Variants in MLH3 observed in about 807,000 individuals in gnomAD.
MLH3 encodes the protein mutL homolog 3, also known as DNA mismatch repair protein Mlh3.
A neutral mutation model predicts 122.2 loss-of-function variants in MLH3; 82 were observed. That is an observed-to-expected ratio of 0.67 (90% CI 0.56 to 0.81). The LOEUF is 0.81. Among genes scored for constraint, MLH3 ranks in the 30% least tolerant of loss-of-function variants. MLH3 has a pLI of 0.00. For synonymous variants in MLH3, 524 were observed against 599.5 expected (o/e 0.87, Z 1.84); for missense variants, 1,539 against 1,714.5 (o/e 0.90, Z 1.81).
At position 75,047,309 on chromosome 14, in the gene MLH3, T is replaced by G. The variant is rs1489096673; in HGVS notation, c.2347A>C (p.Ser783Arg). Residue 783 changes from serine to arginine, a missense_variant, in exon 2 of 13, where the codon AGT becomes CGT. Ser to Arg is a moderately radical substitution (Grantham distance 110, BLOSUM62 -1). Transcript: ENST00000355774. ...AGAATGTCAGGTTCAACTTGAAGAC[T>G]GAGATTGGTAGTGACTCCATTACTT... ...EESNGVTTNL[S>R]LQVEPDILLK... The G allele has an allele frequency of 5.0e-6, 8 of 1,612,878 alleles. No individual in the cohort carries two copies. The East Asian group carries it at 6.7e-5, about 13-fold the overall frequency.
intron 9 of MLH3, among the ~76,000 whole-genome samples, chr14:75,025,553 C>T (rs1412909963): frequency 1.3e-5 from 2 of 152,158 alleles, no homozygotes; most frequent in Non-Finnish European, 2.9e-5. Flanking sequence ...AAAGCATACG[C>T]ACCCTGGATG....
rs1053664238 is a variant in MLH3, at chr14:75,016,909, C to G, written c.*173G>C. ...GCTTGAATTTCATCTGGCTACTCAA[C>G]TAGGGGAATCATCTGCTCAAGAAAG... is the stretch of plus-strand genomic sequence containing the variant. On this transcript the variant is annotated 3_prime_UTR_variant, in exon 13 of 13. Coordinates refer to ENST00000355774, the MANE Select transcript of MLH3 (RefSeq NM_001040108.2). 3 of 712,848 alleles carry G rather than the reference C, an allele frequency of 4.2e-6. No homozygotes were observed. Among genetic ancestry groups the G allele is most frequent in the Non-Finnish European group, 7.4e-6 (3 of 403,836 alleles). The allele number at this position is 712,848 out of a possible 1,614,324, so 44.2% of individuals were successfully genotyped here. A position where few individuals can be genotyped will look rare whatever the true frequency, so the allele number is the denominator to read the frequency against.
intron 2 of MLH3, among the ~76,000 whole-genome samples, chr14:75,043,448 G>C (rs1892008169): frequency 6.6e-6 from 1 of 152,326 alleles, no homozygotes; most frequent in South Asian, 2.1e-4. Flanking sequence ...AACAAATGCT[G>C]CATGAAAAAG....
intron 9 of MLH3, among the ~76,000 whole-genome samples, chr14:75,025,777 C>T (rs1477385122): frequency 6.6e-6 from 1 of 152,194 alleles, no homozygotes; most frequent in Non-Finnish European, 1.5e-5. Flanking sequence ...CACCTGCAGG[C>T]ACATTCACTG....
rs746192170 is a variant in MLH3 at position 75,049,461 on chromosome 14, A to G, written c.195T>C (p.Asp65=). 2 of 1,614,078 alleles carry G rather than the reference A, an allele frequency of 1.2e-6. No homozygotes were observed. The highest frequency in any genetic ancestry group is 1.1e-5 in the South Asian group (1 of 91,086). Residue 65 remains aspartate (D), a synonymous_variant, in exon 2 of 13, where the codon GAT becomes GAC. Coordinates refer to ENST00000355774, the MANE Select transcript of MLH3 (RefSeq NM_001040108.2). ...IDNGFGMGSD[D]VEKVGNRYFT... ...AATAACGATTTCCCACTTTCTCTAC[A>G]TCATCACTCCCCATCCCAAATCCAT... is the stretch of plus-strand genomic sequence containing the variant.
At chr14:75,021,204 G>C (rs1890259038) in intron 11 of MLH3, among the ~76,000 whole-genome samples, 1 of 152,192 alleles carries the variant, frequency 6.6e-6, no homozygotes, top group African/African-American at 2.4e-5. Flanking sequence ...AAAAACCCTA[G>C]AAGAAAACCT....
intron 9 of MLH3, among the ~76,000 whole-genome samples, chr14:75,029,918 A>G (rs1890925016): frequency 6.6e-6 from 1 of 151,964 alleles, no homozygotes; most frequent in Non-Finnish European, 1.5e-5. Context: ...AAGCCAATGC[A>G]AGGGGATTGC....
intron 2 of MLH3, among the ~76,000 whole-genome samples, chr14:75,044,044 G>A (rs1053487385): frequency 2.0e-5 from 3 of 151,844 alleles, no homozygotes; most frequent in African/African-American, 7.3e-5. Context: ...AGCCGAGATC[G>A]CACCATTTCA....
At chr14:75,023,935 T>A (rs1225272403) in intron 9 of MLH3, among the ~76,000 whole-genome samples, 3 of 152,198 alleles carry the variant, frequency 2.0e-5, no homozygotes, top group Non-Finnish European at 4.4e-5. Flanking sequence ...TAGTAGATAC[T>A]ATATTACATA....
intron 5 of MLH3, among the ~76,000 whole-genome samples, chr14:75,039,490 G>A (rs1891660492): frequency 6.6e-6 from 1 of 152,106 alleles, no homozygotes; most frequent in South Asian, 2.1e-4. Flanking sequence ...CCAAACCTGT[G>A]TAGGCTCACA....
intron 2 of MLH3, among the ~76,000 whole-genome samples, chr14:75,043,819 G>C (rs1323501321): frequency 6.6e-6 from 1 of 152,136 alleles, no homozygotes; most frequent in Non-Finnish European, 1.5e-5. Flanking sequence ...TTTTAGGCTG[G>C]TGGCTCACGC....
chr14:75,027,991 T>C (rs1890770278), intron 9 of MLH3, among the ~76,000 whole-genome samples: 1 of 138,850 alleles, frequency 7.2e-6, no homozygotes, highest in South Asian at 2.3e-4. Flanking sequence ...AGGATATAAA[T>C]GGAATATATA....
chr14:75,049,520 T>G lies in MLH3; in HGVS notation c.136A>C (p.Asn46His), dbSNP rs765136707. Residue 46 changes from asparagine to histidine, a missense_variant, in exon 2 of 13, where the codon AAT becomes CAT. Physicochemically the swap from Asn to His is moderately conservative, Grantham distance 68 (BLOSUM62 1). Transcript: ENST00000355774. The stretch of plus-strand genomic sequence containing the variant: ...ACTTGAACTTGGAAGGTTTCCATAT[T>G]CACCCTGACAGCCACACATTTTGCT... ...AEAKCVAVRV[N>H]METFQVQVID... 1.2e-6 allele frequency: 2 copies of G among 1,614,236 alleles called. No homozygotes were observed. The highest frequency in any genetic ancestry group is 1.7e-6 in the Non-Finnish European group (2 of 1,180,038).
chr14:75,032,303 A>G, intron 7 of MLH3, 124 bp from the exon 8 acceptor site: 1 of 704,702 alleles, frequency 1.4e-6, no homozygotes, highest in Non-Finnish European at 2.6e-6. Context: ...GTTCAGTTTT[A>G]GATTTTGGAT....
intron 9 of MLH3, among the ~76,000 whole-genome samples, chr14:75,024,318 C>T (rs1401378513): frequency 1.3e-5 from 2 of 151,258 alleles, no homozygotes. Context: ...TCTCCTGCCT[C>T]AGCCTCCTGA....
intron 4 of MLH3, among the ~76,000 whole-genome samples, chr14:75,041,387 TA>T (rs1486984419): frequency 2.0e-5 from 3 of 152,048 alleles, no homozygotes; most frequent in African/African-American, 7.2e-5. Flanking sequence ...CCATCTCTAC[TA>T]AAAATACAAA....
chr14:75,046,600 A>C lies in MLH3; in HGVS notation c.3056T>G (p.Ile1019Ser). ...VEDATGDQNGICFQSEESKAR... is the reference protein window; with the variant it reads ...VEDATGDQNGSCFQSEESKAR... ...TTTAGATTCCTCACTCTGAAAACAA[A>C]TTCCATTTTGGTCACCTGTGGCATC... is the stretch of plus-strand genomic sequence containing the variant. Residue 1019 changes from isoleucine to serine, a missense_variant, in exon 2 of 13, where the codon ATT becomes AGT. Coordinates refer to ENST00000355774, the MANE Select transcript of MLH3 (RefSeq NM_001040108.2). The C allele has an allele frequency of 6.2e-7, 1 of 1,614,232 alleles. No homozygotes were observed. The highest frequency in any genetic ancestry group is 8.5e-7 in the Non-Finnish European group (1 of 1,180,028).
chr14:75,027,215 T>C (rs934965957), intron 9 of MLH3, among the ~76,000 whole-genome samples: 3 of 152,102 alleles, frequency 2.0e-5, no homozygotes, highest in Admixed American at 2.0e-4. Context: ...ATCATGCAAG[T>C]ATGAAGACAA....
rs1470838470 is a variant in MLH3, at chr14:75,014,894, C to CAGTA, written c.*2187_*2188insTACT. On this transcript the variant is annotated 3_prime_UTR_variant, in exon 13 of 13. Coordinates refer to ENST00000355774, the MANE Select transcript of MLH3 (RefSeq NM_001040108.2). ...ACCTGGGTCTGAATTCTGGCTCTTA[C>CAGTA]AGCTAAGCCTTCAGCAAACCAGTTA... 1 of 179,760 alleles carries CAGTA rather than the reference C, an allele frequency of 5.6e-6. No homozygotes were observed. Among genetic ancestry groups the CAGTA allele is most frequent in the Non-Finnish European group, 1.2e-5 (1 of 83,966 alleles). 11.1% of individuals were successfully genotyped at this position (179,760 alleles called of 1,614,324 possible).
Sources: allele counts gnomAD v4.1 joint callset (sites outside exome capture counted in the v4.1 genomes callset), GRCh38; gene constraint gnomAD v4.1.1; transcripts MANE v1.5; gene names NCBI Gene and HGNC (gene_info 2026-07-23, HGNC 2026-07-21).